The following PRKN variants were observed in gnomAD, a reference collection of about 807,000 sequenced individuals.
PRKN encodes parkin RBR E3 ubiquitin protein ligase.
Under a neutral mutation model 59.5 loss-of-function variants are expected in PRKN, and 56 were observed. The ratio of observed to expected loss-of-function variants is 0.94; its 90% CI spans 0.76 to 1.18. PRKN has a LOEUF of 1.18. PRKN is among the 50% of genes most tolerant of loss of function. PRKN has a pLI of 0.00. For missense variants in PRKN, 657 were observed against 596.4 expected (o/e 1.10, Z -1.06); for synonymous variants, 250 against 222.1 (o/e 1.13, Z -1.12).
intron 1 of PRKN, among the ~76,000 whole-genome samples, chr6:162,564,995 T>C (rs1780000463): frequency 6.6e-6 from 1 of 152,180 alleles, no homozygotes; most frequent in Non-Finnish European, 1.5e-5. Flanking sequence ...TGTAAACTAC[T>C]CTTACCCTAA....
intron 7 of PRKN, among the ~76,000 whole-genome samples, chr6:161,632,533 AAAT>A (rs1169509502): frequency 6.6e-6 from 1 of 152,182 alleles, no homozygotes. Context: ...TCACATTTTG[AAAT>A]AATAGAAGTC....
intron 5 of PRKN, among the ~76,000 whole-genome samples, chr6:162,051,633 G>A (rs1391386262): frequency 3.3e-5 from 5 of 152,122 alleles, no homozygotes; most frequent in African/African-American, 7.2e-5. Flanking sequence ...TGAGGCCTTC[G>A]GGGGCGATGA....
rs184279194 is a variant in PRKN, at chr6:161,789,282, T to C, written c.735-3374A>G. On this transcript the variant is annotated intron_variant, in intron 6 of 11. Coordinates refer to ENST00000366898, the MANE Select transcript of PRKN (RefSeq NM_004562.3). ...AAGAGGAGGGGAAAGCTAGTGTTTA[T>C]GGGCACCTACTTCGGGTTAGGTGGC... is the stretch of plus-strand genomic sequence containing the variant. 2.2e-4 allele frequency among the ~76,000 whole-genome samples: 34 copies of C among 152,352 alleles called. 1 individual carries two copies. In the East Asian group the frequency reaches 6.4e-3, roughly 28 times the overall value.
intron 3 of PRKN, among the ~76,000 whole-genome samples, chr6:162,225,344 C>T (rs1223093158): frequency 6.6e-6 from 1 of 152,148 alleles, no homozygotes; most frequent in Non-Finnish European, 1.5e-5. Context: ...ACATTGGTGA[C>T]CAAGACTCAA....
intron 7 of PRKN, among the ~76,000 whole-genome samples, chr6:161,760,801 G>A (rs373657531): frequency 1.4e-4 from 21 of 152,248 alleles, no homozygotes; most frequent in African/African-American, 5.1e-4. Flanking sequence ...AGTCCTCTAA[G>A]AGCATAAATA....
chr6:161,427,598 T>C (rs1285582645), intron 9 of PRKN, among the ~76,000 whole-genome samples: 2 of 152,176 alleles, frequency 1.3e-5, no homozygotes, highest in Non-Finnish European at 2.9e-5. Flanking sequence ...ACATGAAATC[T>C]GACATGTGAA....
At chr6:162,351,193 A>G (rs1784610172) in intron 2 of PRKN, among the ~76,000 whole-genome samples, 1 of 152,260 alleles carries the variant, frequency 6.6e-6, no homozygotes, top group African/African-American at 2.4e-5. Flanking sequence ...TACGTTTCCA[A>G]AAATAAAAAT....
intron 6 of PRKN, among the ~76,000 whole-genome samples, chr6:161,862,019 T>G (rs1793923705): frequency 1.3e-5 from 2 of 152,232 alleles, no homozygotes; most frequent in South Asian, 4.1e-4. Flanking sequence ...CTGGCATTCC[T>G]GGATTTGGGC....
intron 2 of PRKN, among the ~76,000 whole-genome samples, chr6:162,321,533 C>T (rs1189798977): frequency 1.3e-5 from 2 of 151,528 alleles, no homozygotes; most frequent in Non-Finnish European, 3.0e-5. Context: ...TTTTTTTCAG[C>T]CATTATTACT....
At chr6:161,764,427 A>AC (rs1789340240) in intron 7 of PRKN, among the ~76,000 whole-genome samples, 1 of 152,204 alleles carries the variant, frequency 6.6e-6, no homozygotes, top group Admixed American at 6.5e-5. Flanking sequence ...TAAATTGTAG[A>AC]GGCCTATGCA....
chr6:162,642,030 T>A (rs991841275), intron 1 of PRKN, among the ~76,000 whole-genome samples: 1 of 152,352 alleles, frequency 6.6e-6, no homozygotes, highest in African/African-American at 2.4e-5. Context: ...GTCTTGTTTT[T>A]TATTTGTTTT....
rs1188527135 is a variant in PRKN at position 161,470,672 on chromosome 6, A to T, written c.1083+78182T>A. Among the ~76,000 whole-genome samples, 1 of 152,230 alleles carries T rather than the reference A, an allele frequency of 6.6e-6. No homozygotes were observed. ...ACTATGCCCCAGGCACCTGAGCCCCAGAATTCCCTGCCCAAATGGCCTGGG... is the reference window on the plus strand; with the variant it reads ...ACTATGCCCCAGGCACCTGAGCCCCTGAATTCCCTGCCCAAATGGCCTGGG... On this transcript the variant is annotated intron_variant, in intron 9 of 11. Transcript: ENST00000366898. The surrounding 1 kb of genome is among the most constrained non-coding windows in gnomAD (Gnocchi z 5.1).
chr6:162,533,054 T>A (rs1159233951), intron 1 of PRKN, among the ~76,000 whole-genome samples: 1 of 152,166 alleles, frequency 6.6e-6, no homozygotes, highest in African/African-American at 2.4e-5. Flanking sequence ...TCACATTTTA[T>A]AATGTTGGTA....
At chr6:162,104,508 T>C (rs528513898) in intron 4 of PRKN, among the ~76,000 whole-genome samples, 9 of 152,306 alleles carry the variant, frequency 5.9e-5, no homozygotes, top group Admixed American at 2.0e-4. Flanking sequence ...TTAATAGGAC[T>C]GTTTAATGGA....
At chr6:162,618,702 C>T (rs1782531950) in intron 1 of PRKN, among the ~76,000 whole-genome samples, 1 of 152,156 alleles carries the variant, frequency 6.6e-6, no homozygotes, top group East Asian at 1.9e-4. Context: ...GTCAGAAATT[C>T]CTATTTATTT....
At position 161,395,412 on chromosome 6, in the gene PRKN, T is replaced by C. The variant is rs1786710303; in HGVS notation, c.1084-8535A>G. ...TTTAGGTCCTTCCAATATTTTGCCA[T>C]GACAAACAAAGCTGCAGGGAATGTC... On this transcript the variant is annotated intron_variant, in intron 9 of 11. Coordinates refer to ENST00000366898, the MANE Select transcript of PRKN (RefSeq NM_004562.3). This position sits in a 1 kb window ranked among gnomAD's most constrained non-coding sequence, Gnocchi z 5.0. 6.6e-6 allele frequency among the ~76,000 whole-genome samples: 1 copy of C among 152,164 alleles called. No homozygotes were observed. Among genetic ancestry groups the C allele is most frequent in the Non-Finnish European group, 1.5e-5 (1 of 68,026 alleles).
intron 1 of PRKN, among the ~76,000 whole-genome samples, chr6:162,558,848 C>T (rs1779721359): frequency 6.6e-6 from 1 of 151,642 alleles, no homozygotes; most frequent in Non-Finnish European, 1.5e-5. Flanking sequence ...TGCCATGTTG[C>T]CCAGGCTGGT....
rs1414004086 is a variant in PRKN, at chr6:161,460,552, G to C, written c.1084-73675C>G. Reference sequence around the variant, plus strand: ...GGAAGGAGACATGCTGGTAGGTAAGGAGCAATGCTGGGGTAGAAGCCCCAG... The same window carrying C: ...GGAAGGAGACATGCTGGTAGGTAAGCAGCAATGCTGGGGTAGAAGCCCCAG... On this transcript the variant is annotated intron_variant, in intron 9 of 11. Transcript: ENST00000366898. The surrounding 1 kb of genome is among the most constrained non-coding windows in gnomAD (Gnocchi z 5.0). Among the ~76,000 whole-genome samples, 4 of 152,102 alleles carry C rather than the reference G, an allele frequency of 2.6e-5. No homozygotes were observed. Among genetic ancestry groups the C allele is most frequent in the Admixed American group, 2.6e-4 (4 of 15,266 alleles).
chr6:162,590,361 G>C (rs1216493851), intron 1 of PRKN, among the ~76,000 whole-genome samples: 1 of 152,124 alleles, frequency 6.6e-6, no homozygotes. Flanking sequence ...AATACCTGCT[G>C]ATAAACATAC....
Sources: allele counts gnomAD v4.1 joint callset (sites outside exome capture counted in the v4.1 genomes callset), GRCh38; gene constraint gnomAD v4.1.1; non-coding constraint Gnocchi (gnomAD v3.1); transcripts MANE v1.5; gene names NCBI Gene and HGNC (gene_info 2026-07-23, HGNC 2026-07-21).